NEK5: variants seen among roughly 807,000 people sequenced by gnomAD.
NEK5 encodes the protein serine/threonine-protein kinase Nek5.
Under a neutral mutation model 109.2 loss-of-function variants are expected in NEK5, and 88 were observed. The ratio of observed to expected loss-of-function variants is 0.81; its 90% confidence interval spans 0.68 to 0.96. The LOEUF (loss-of-function observed/expected upper bound fraction) is 0.96. Among genes scored for constraint, NEK5 ranks in the 40% least tolerant of loss-of-function variants. The pLI, the probability that NEK5 is intolerant of heterozygous loss-of-function variation, is 0.00. For missense variants in NEK5, 834 were observed against 920.7 expected (o/e 0.91, Z 1.22); for synonymous variants, 283 against 299.9 (o/e 0.94, Z 0.58).
chr13:52,053,040 C>A (rs1246996678), intron 22 of NEK5, among the ~76,000 whole-genome samples: 1 of 152,158 alleles, frequency 6.6e-6, no homozygotes, highest in African/African-American at 2.4e-5. Flanking sequence ...GTGGCTCACA[C>A]CTGTAATCCC....
At chr13:52,087,637 T>C (rs952625162) in intron 14 of NEK5, among the ~76,000 whole-genome samples, 183 bp from the exon 15 acceptor site, 2 of 152,128 alleles carry the variant, frequency 1.3e-5, no homozygotes, top group African/African-American at 4.8e-5. Context: ...TATATATTTT[T>C]TTCTGTTTGA....
intron 3 of NEK5, among the ~76,000 whole-genome samples, chr13:52,121,753 A>C (rs1049097565): frequency 6.6e-6 from 1 of 152,188 alleles, no homozygotes; most frequent in Admixed American, 6.5e-5. Flanking sequence ...ACTGTTGTTA[A>C]TAGTTAGAGC....
chr13:52,065,334 G>T, intron 21 of NEK5, 150 bp downstream of exon 21: 1 of 1,058,844 alleles, frequency 9.4e-7, no homozygotes, highest in Non-Finnish European at 1.5e-6. Context: ...TTTAGGCATA[G>T]GGAGATATCA....
chr13:52,034,504 CTT>C lies in NEK5; in HGVS notation c.*2442_*2443del, dbSNP rs1172266927. ...GGAACAAACCCGATAACCTGACATG[CTT>C]TTTTTTTTTTTTTTTTTTTTTGAGA... On this transcript the variant is annotated 3_prime_UTR_variant, in exon 24 of 24. Transcript: ENST00000684899. The C allele has an allele frequency of 7.3e-5, 8 of 108,934 alleles. No individual in the cohort carries two copies. The highest frequency in any genetic ancestry group is 1.5e-4 in the Non-Finnish European group (8 of 53,676). 6.7% of individuals were successfully genotyped at this position (108,934 alleles called of 1,614,324 possible).
chr13:52,098,774 C>T (rs1955471065), intron 12 of NEK5, among the ~76,000 whole-genome samples: 1 of 152,082 alleles, frequency 6.6e-6, no homozygotes, highest in African/African-American at 2.4e-5. Context: ...CTAAAGTATA[C>T]TTATAAGAGC....
At chr13:52,053,061 G>A (rs1954522364) in intron 22 of NEK5, among the ~76,000 whole-genome samples, 3 of 152,164 alleles carry the variant, frequency 2.0e-5, no homozygotes, top group African/African-American at 7.2e-5. Context: ...AGTACTTTGG[G>A]AGGCTGAGGC....
At chr13:52,121,997 G>T (rs1955980464) in intron 3 of NEK5, among the ~76,000 whole-genome samples, 1 of 151,300 alleles carries the variant, frequency 6.6e-6, no homozygotes, top group African/African-American at 2.4e-5. Context: ...TAACTCCTGG[G>T]GTCAAGGGAT....
intron 23 of NEK5, among the ~76,000 whole-genome samples, chr13:52,037,901 C>G (rs995986242): frequency 1.2e-4 from 17 of 140,794 alleles, no homozygotes; most frequent in Admixed American, 4.4e-4. Context: ...CCAGCCTGGG[C>G]GACAGAGCGA....
rs367873839 is a variant in NEK5 at position 52,119,453 on chromosome 13, A to C, written c.118-38T>G. 2.1e-5 allele frequency: 24 copies of C among 1,129,712 alleles called. No homozygotes were observed. In the African/African-American group the frequency reaches 3.5e-4, roughly 17 times the overall value. The allele number at this position is 1,129,712 out of a possible 1,614,324, so 70.0% of individuals were successfully genotyped here. A position where few individuals can be genotyped will look rare whatever the true frequency, so the allele number is the denominator to read the frequency against. On this transcript the variant is annotated intron_variant, in intron 3 of 23. Coordinates refer to ENST00000684899, the MANE Select transcript of NEK5 (RefSeq NM_001365552.1). ...AAGAGACAGAGTAGTCTATAAAGCTAACTTGGTTTCAAGAACATGCTTTCT... is the reference window on the plus strand; with the variant it reads ...AAGAGACAGAGTAGTCTATAAAGCTCACTTGGTTTCAAGAACATGCTTTCT...
chr13:52,127,104 G>C (rs1176800950), intron 3 of NEK5, among the ~76,000 whole-genome samples: 2 of 152,002 alleles, frequency 1.3e-5, no homozygotes, highest in African/African-American at 2.4e-5. Context: ...AGGCTATCTC[G>C]AACTCCTGGC....
chr13:52,056,136 G>A (rs1382090003), intron 22 of NEK5, among the ~76,000 whole-genome samples: 1 of 151,976 alleles, frequency 6.6e-6, no homozygotes, highest in African/African-American at 2.4e-5. Context: ...AAAAAAGGCA[G>A]GGTTGCAATC....
intron 17 of NEK5, among the ~76,000 whole-genome samples, chr13:52,079,577 C>T (rs1954936516): frequency 6.6e-6 from 1 of 152,296 alleles, no homozygotes; most frequent in Non-Finnish European, 1.5e-5. Flanking sequence ...GCCGGGATTG[C>T]AGACGGAGTC....
At chr13:52,119,679 G>A (rs1048095943) in intron 3 of NEK5, among the ~76,000 whole-genome samples, 11 of 152,110 alleles carry the variant, frequency 7.2e-5, no homozygotes, top group Non-Finnish European at 1.3e-4. Flanking sequence ...TGGTGGTACC[G>A]TGTTCATTAT....
intron 4 of NEK5, among the ~76,000 whole-genome samples, chr13:52,116,922 C>CTT (rs879560785): frequency 5.6e-5 from 8 of 143,932 alleles, no homozygotes; most frequent in African/African-American, 7.6e-5. Flanking sequence ...ATCCTATTTT[C>CTT]TTTTTTTTTT....
At chr13:52,068,368 C>T (rs181046497) in intron 20 of NEK5, among the ~76,000 whole-genome samples, 4 of 151,982 alleles carry the variant, frequency 2.6e-5, no homozygotes, top group Non-Finnish European at 5.9e-5. Context: ...TCCATTTATT[C>T]AAGTGGTCTG....
At chr13:52,070,049 T>A (rs1954760007) in intron 20 of NEK5, among the ~76,000 whole-genome samples, 1 of 152,176 alleles carries the variant, frequency 6.6e-6, no homozygotes, top group African/African-American at 2.4e-5. Context: ...AGATCCTCAA[T>A]AAGATGCCTG....
chr13:52,064,050 G>A (rs1352115400), intron 21 of NEK5, among the ~76,000 whole-genome samples: 2 of 139,104 alleles, frequency 1.4e-5, no homozygotes, highest in East Asian at 2.2e-4. Flanking sequence ...GGAGGGAGGT[G>A]GGGGGGTCAG....
chr13:52,046,717 G>A (rs1424403064), intron 23 of NEK5, among the ~76,000 whole-genome samples: 1 of 150,774 alleles, frequency 6.6e-6, no homozygotes, highest in Non-Finnish European at 1.5e-5. Flanking sequence ...GGTGATAGAC[G>A]GACACCCTGT....
intron 12 of NEK5, among the ~76,000 whole-genome samples, chr13:52,094,559 G>A (rs1051165314): frequency 1.4e-4 from 22 of 152,202 alleles, no homozygotes; most frequent in Admixed American, 5.9e-4. Flanking sequence ...TGAGGCAGGC[G>A]GATCACGAGG....
Sources: gnomAD v4.1 joint callset for allele counts (sites outside exome capture counted in the v4.1 genomes callset) on GRCh38, gnomAD v4.1.1 for gene constraint, MANE v1.5 for transcripts, NCBI Gene and HGNC (gene_info 2026-07-23, HGNC 2026-07-21) for gene names.